The following PTPRM variants were observed in gnomAD, a reference collection of about 807,000 sequenced individuals.
PTPRM encodes receptor-type tyrosine-protein phosphatase mu.
In PTPRM, 47 loss-of-function variants were observed where a neutral mutation model predicts 186.7. That is an observed-to-expected ratio of 0.25 (90% CI 0.20 to 0.32). PTPRM has a LOEUF of 0.32. PTPRM is among the 10% of genes least tolerant of loss of function. PTPRM has a pLI of 1.00. For missense variants in PTPRM, 1,494 were observed against 1,865.0 expected (o/e 0.80, Z 3.66); for synonymous variants, 668 against 674.9 (o/e 0.99, Z 0.16).
chr18:8,237,574 G>A (rs2094361305), intron 14 of PTPRM, among the ~76,000 whole-genome samples: 1 of 150,822 alleles, frequency 6.6e-6, no homozygotes, highest in Admixed American at 6.7e-5. Context: ...TCAGCCTTCT[G>A]AGTAGCTGAG....
chr18:8,383,290 C>T (rs12962868), intron 29 of PTPRM, among the ~76,000 whole-genome samples: 1 of 79,570 alleles, frequency 1.3e-5, no homozygotes, highest in Admixed American at 2.2e-4. Context: ...GAACGAGCTT[C>T]TGCCTCAAAA....
At chr18:7,704,356 T>G (rs2144730855) in intron 1 of PTPRM, among the ~76,000 whole-genome samples, 1 of 152,320 alleles carries the variant, frequency 6.6e-6, no homozygotes, top group South Asian at 2.1e-4. Flanking sequence ...CAGAACTTGT[T>G]ATTGGTCTAT....
At chr18:7,619,696 A>G (rs1430427010) in intron 1 of PTPRM, among the ~76,000 whole-genome samples, 3 of 152,200 alleles carry the variant, frequency 2.0e-5, no homozygotes, top group Non-Finnish European at 4.4e-5. Context: ...TGTGTTGTCC[A>G]ATGAACAGGT....
intron 7 of PTPRM, among the ~76,000 whole-genome samples, chr18:8,028,140 T>C (rs1256890110): frequency 6.6e-6 from 1 of 152,204 alleles, no homozygotes; most frequent in Non-Finnish European, 1.5e-5. Context: ...GTAGCTGGAA[T>C]TACTGGCACG....
chr18:8,118,191 T>G (rs1398311084), intron 13 of PTPRM, among the ~76,000 whole-genome samples: 3 of 152,248 alleles, frequency 2.0e-5, no homozygotes, highest in African/African-American at 7.2e-5. Context: ...CACATTATAT[T>G]AATCTTCCAT....
At chr18:7,767,718 A>G (rs1198389981) in intron 1 of PTPRM, among the ~76,000 whole-genome samples, 1 of 152,230 alleles carries the variant, frequency 6.6e-6, no homozygotes, top group African/African-American at 2.4e-5. Context: ...GCCAGGAAAA[A>G]AAAAGAAAGA....
At chr18:8,310,503 C>G (rs2095259985) in intron 20 of PTPRM, among the ~76,000 whole-genome samples, 1 of 148,742 alleles carries the variant, frequency 6.7e-6, no homozygotes, top group African/African-American at 2.5e-5. Context: ...TCCTTCCTAC[C>G]TCCTGGCCTG....
intron 13 of PTPRM, among the ~76,000 whole-genome samples, chr18:8,132,296 T>C (rs992008542): frequency 2.0e-5 from 3 of 152,190 alleles, no homozygotes; most frequent in Non-Finnish European, 2.9e-5. Flanking sequence ...TCTTTAGATA[T>C]TGGTATATGT....
intron 14 of PTPRM, among the ~76,000 whole-genome samples, chr18:8,232,929 A>G (rs2094304564): frequency 6.6e-6 from 1 of 152,162 alleles, no homozygotes; most frequent in Non-Finnish European, 1.5e-5. Flanking sequence ...GGTGGTTGTC[A>G]GGTAATTGTC....
In PTPRM at chr18:8,318,263, C is replaced by T. The variant is rs557623633; in HGVS notation, c.2920-915C>T. Among the ~76,000 whole-genome samples the T allele has an allele frequency of 6.0e-4, 85 of 141,370 alleles. 1 individual carries two copies. Among genetic ancestry groups the T allele is most frequent in the African/African-American group, 2.1e-3 (82 of 38,504 alleles). 92.7% of individuals were successfully genotyped at this position (141,370 alleles called of 152,430 possible). A position where few individuals can be genotyped will look rare whatever the true frequency, so the allele number is the denominator to read the frequency against. On this transcript the variant is annotated intron_variant, in intron 21 of 32. Coordinates refer to ENST00000580170, the MANE Select transcript of PTPRM (RefSeq NM_001105244.2). The stretch of plus-strand genomic sequence containing the variant: ...GATATTTTCTTTCCCAGATACTTAT[C>T]CTACAATTTTTTTGTTTCCTTCTTT...
chr18:8,006,479 A>G (rs1211718856), intron 7 of PTPRM, among the ~76,000 whole-genome samples: 3 of 152,154 alleles, frequency 2.0e-5, no homozygotes, highest in Admixed American at 6.5e-5. Context: ...TTGTGAGAAA[A>G]TACTTGCACC....
rs114391624 is a variant in PTPRM at position 7,914,832 on chromosome 18, T to A, written c.547+8249T>A. Among the ~76,000 whole-genome samples, 735 of 152,276 alleles carry A rather than the reference T, an allele frequency of 4.8e-3. 7 individuals are homozygous for A. The highest frequency in any genetic ancestry group is 0.017 in the African/African-American group (686 of 41,572). Reference sequence around the variant, plus strand: ...TCTTTTTGGCAGCAATTTGCTTCCTTGTTTGTGATGATATGTTACACAAAT... The same window carrying A: ...TCTTTTTGGCAGCAATTTGCTTCCTAGTTTGTGATGATATGTTACACAAAT... On this transcript the variant is annotated intron_variant, in intron 4 of 32. Transcript: ENST00000580170.
At chr18:8,163,044 C>G (rs1476485346) in intron 14 of PTPRM, among the ~76,000 whole-genome samples, 1 of 152,216 alleles carries the variant, frequency 6.6e-6, no homozygotes, top group Non-Finnish European at 1.5e-5. Flanking sequence ...TCCACACGCC[C>G]CACGACAGCT....
chr18:7,990,824 G>A (rs1262959664), intron 7 of PTPRM, among the ~76,000 whole-genome samples: 1 of 152,136 alleles, frequency 6.6e-6, no homozygotes, highest in African/African-American at 2.4e-5. Context: ...ATACATGATG[G>A]TGGGGCCTGG....
chr18:8,325,756 A>ACTG (rs1269612913), intron 22 of PTPRM, among the ~76,000 whole-genome samples: 1 of 152,020 alleles, frequency 6.6e-6, no homozygotes, highest in African/African-American at 2.4e-5. Context: ...AATTTCCCAC[A>ACTG]CTGCTTTCCA....
intron 6 of PTPRM, among the ~76,000 whole-genome samples, chr18:7,952,313 C>T (rs2053018259): frequency 1.3e-5 from 2 of 152,198 alleles, no homozygotes; most frequent in African/African-American, 4.8e-5. Context: ...TTTTAAATTG[C>T]ATTTTATCAC....
chr18:8,241,584 C>T (rs1040506212), intron 14 of PTPRM, among the ~76,000 whole-genome samples: 2 of 152,140 alleles, frequency 1.3e-5, no homozygotes, highest in Non-Finnish European at 2.9e-5. Flanking sequence ...TCTCCTGAAA[C>T]TTGAAATGAC....
At chr18:8,135,965 A>G (rs552252129) in intron 13 of PTPRM, among the ~76,000 whole-genome samples, 1 of 152,370 alleles carries the variant, frequency 6.6e-6, no homozygotes, top group South Asian at 2.1e-4. Flanking sequence ...GCAAACAACA[A>G]CTACTTTGTG....
chr18:7,958,874 C>T (rs1007589105), intron 7 of PTPRM, among the ~76,000 whole-genome samples: 3 of 152,098 alleles, frequency 2.0e-5, no homozygotes, highest in African/African-American at 7.2e-5. Flanking sequence ...GATTTCCTGC[C>T]TGGGTTTTGT....
Sources: gnomAD v4.1 joint callset for allele counts (sites outside exome capture counted in the v4.1 genomes callset) on GRCh38, gnomAD v4.1.1 for gene constraint, MANE v1.5 for transcripts, NCBI Gene and HGNC (gene_info 2026-07-23, HGNC 2026-07-21) for gene names.